The following SGCZ variants were observed in gnomAD, a reference collection of about 807,000 sequenced individuals.
SGCZ encodes the protein sarcoglycan zeta.
Under a neutral mutation model 41.3 loss-of-function variants are expected in SGCZ, and 40 were observed. The ratio of observed to expected loss-of-function variants is 0.97; its 90% CI spans 0.75 to 1.26. The LOEUF (loss-of-function observed/expected upper bound fraction) is 1.26. Ranked by LOEUF, SGCZ falls within the 50% of genes most tolerant of loss-of-function variation. The pLI is 0.00. For synonymous variants in SGCZ, 206 were observed against 137.5 expected (o/e 1.50, Z -3.49); for missense variants, 552 against 369.8 (o/e 1.49, Z -4.04).
chr8:14,831,896 G>A (rs1436323369), intron 1 of SGCZ, among the ~76,000 whole-genome samples: 1 of 146,084 alleles, frequency 6.8e-6, no homozygotes, highest in African/African-American at 2.5e-5. Flanking sequence ...GTATATATAT[G>A]TTTGTGTATA....
At position 14,140,128 on chromosome 8, in the gene SGCZ, A is replaced by G. The variant is rs1002342595; in HGVS notation, c.547+24452T>C. Among the ~76,000 whole-genome samples the G allele has an allele frequency of 2.0e-5, 3 of 152,212 alleles. No individual in the cohort carries two copies. In the East Asian group the frequency reaches 5.8e-4, roughly 29 times the overall value. On this transcript the variant is annotated intron_variant, in intron 5 of 7. Transcript: ENST00000382080. Reference sequence around the variant, plus strand: ...CCTTCGACAAAATTCAACAACCTTCATGCTAAAAACTGTCAATAAACTAGG... The same window carrying G: ...CCTTCGACAAAATTCAACAACCTTCGTGCTAAAAACTGTCAATAAACTAGG...
intron 1 of SGCZ, among the ~76,000 whole-genome samples, chr8:14,570,765 A>G (rs1585089407): frequency 6.6e-6 from 1 of 152,192 alleles, no homozygotes; most frequent in South Asian, 2.1e-4. Context: ...ACTATTTCAT[A>G]TAACTCACTT....
At chr8:15,122,852 C>G (rs1807538041) in intron 1 of SGCZ, among the ~76,000 whole-genome samples, 2 of 152,084 alleles carry the variant, frequency 1.3e-5, no homozygotes, top group East Asian at 3.8e-4. Flanking sequence ...AGCTTTCAGT[C>G]CACTGAAAAC....
intron 7 of SGCZ, among the ~76,000 whole-genome samples, chr8:14,098,985 C>CCATAAGTTTCTGAGAT (rs1413695553): frequency 6.6e-6 from 1 of 152,116 alleles, no homozygotes. Context: ...GCTTAAAATT[C>CCATAAGTTTCTGAGAT]CATAAGTTTC....
At chr8:14,772,024 G>T (rs1425489498) in intron 1 of SGCZ, among the ~76,000 whole-genome samples, 2 of 152,132 alleles carry the variant, frequency 1.3e-5, no homozygotes, top group Non-Finnish European at 2.9e-5. Flanking sequence ...GGGTGAAAGT[G>T]ATACGTGTTC....
chr8:14,243,227 G>C (rs1211201549), intron 3 of SGCZ, among the ~76,000 whole-genome samples: 4 of 152,154 alleles, frequency 2.6e-5, no homozygotes, highest in Admixed American at 1.3e-4. Context: ...TGTTACCGAA[G>C]TTTGTATAGT....
chr8:15,035,374 G>A (rs889410197), intron 1 of SGCZ, among the ~76,000 whole-genome samples: 1 of 151,928 alleles, frequency 6.6e-6, no homozygotes, highest in Non-Finnish European at 1.5e-5. Context: ...GTAAAGTATC[G>A]AACCATGTCA....
At chr8:14,664,350 T>C (rs1005668850) in intron 1 of SGCZ, among the ~76,000 whole-genome samples, 4 of 152,182 alleles carry the variant, frequency 2.6e-5, no homozygotes, top group African/African-American at 9.6e-5. Context: ...ACTAGAATTA[T>C]GTTAGATTAC....
At chr8:14,430,236 T>C (rs1019776844) in intron 2 of SGCZ, among the ~76,000 whole-genome samples, 2 of 151,910 alleles carry the variant, frequency 1.3e-5, no homozygotes, top group Admixed American at 1.3e-4. Context: ...GGAAAGGACA[T>C]AAACAAAAAA....
intron 1 of SGCZ, among the ~76,000 whole-genome samples, chr8:14,728,949 G>A (rs911487865): frequency 6.6e-6 from 1 of 152,150 alleles, no homozygotes; most frequent in Non-Finnish European, 1.5e-5. Flanking sequence ...ATCTGCCTAT[G>A]TTCCTTTCAT....
intron 2 of SGCZ, among the ~76,000 whole-genome samples, chr8:14,548,328 A>G (rs1019155640): frequency 2.6e-4 from 39 of 152,148 alleles, no homozygotes; most frequent in Admixed American, 1.5e-3. Context: ...CTTGCAATCA[A>G]CACCAATTTT....
intron 2 of SGCZ, among the ~76,000 whole-genome samples, chr8:14,458,767 A>G (rs1022968032): frequency 2.6e-5 from 4 of 152,176 alleles, no homozygotes; most frequent in Admixed American, 2.6e-4. Context: ...AGGGCCTAGT[A>G]GCAATGATAC....
At chr8:15,145,601 G>C (rs892185444) in intron 1 of SGCZ, among the ~76,000 whole-genome samples, 2 of 152,124 alleles carry the variant, frequency 1.3e-5, no homozygotes, top group Admixed American at 1.3e-4. Flanking sequence ...CAAGTAGCTT[G>C]GACTACAGGT....
In SGCZ at chr8:14,481,654, GT is replaced by G. The variant is rs532858269; in HGVS notation, c.234+73077del. 4.4e-4 allele frequency among the ~76,000 whole-genome samples: 67 copies of G among 152,090 alleles called. 2 individuals carry two copies. In the South Asian group the frequency reaches 0.011, roughly 25 times the overall value. On this transcript the variant is annotated intron_variant, in intron 2 of 7. Coordinates refer to ENST00000382080, the MANE Select transcript of SGCZ (RefSeq NM_139167.4). ...CCTCTGGTAGTTAAAGTGGAAGGGA[GT>G]TTTTTTATTAATATTTATTACCTAA...
intron 1 of SGCZ, among the ~76,000 whole-genome samples, chr8:15,026,914 C>A (rs535869556): frequency 3.3e-5 from 5 of 152,304 alleles, no homozygotes; most frequent in Admixed American, 3.3e-4. Context: ...TCTGTTTACT[C>A]AGCAATCACC....
In SGCZ at chr8:15,093,675, G is replaced by C. The variant is rs78781380; in HGVS notation, c.39+143910C>G. ...AGAACATCAACAGAACACGTTTATT[G>C]TACGTCAAAGTAAAAAAATTACACT... On this transcript the variant is annotated intron_variant, in intron 1 of 7. Coordinates refer to ENST00000382080, the MANE Select transcript of SGCZ (RefSeq NM_139167.4). Among the ~76,000 whole-genome samples the C allele has an allele frequency of 4.9e-3, 740 of 152,196 alleles. 8 individuals are homozygous for C. The highest frequency in any genetic ancestry group is 0.017 in the African/African-American group (705 of 41,524).
rs1406374434 is a variant in SGCZ at position 14,449,026 on chromosome 8, T to C, written c.234+105706A>G. Among the ~76,000 whole-genome samples the C allele has an allele frequency of 5.3e-5, 8 of 152,238 alleles. No individual in the cohort carries two copies. In the East Asian group the frequency reaches 1.4e-3, roughly 26 times the overall value. Reference sequence around the variant, plus strand: ...ACAAGTTACATTCCAGACAAACAGATAGAAGTGAAAGGACTTATGCTCTGA... The same window carrying C: ...ACAAGTTACATTCCAGACAAACAGACAGAAGTGAAAGGACTTATGCTCTGA... On this transcript the variant is annotated intron_variant, in intron 2 of 7. Coordinates refer to ENST00000382080, the MANE Select transcript of SGCZ (RefSeq NM_139167.4).
At chr8:14,834,648 C>A (rs773279829) in intron 1 of SGCZ, among the ~76,000 whole-genome samples, 2 of 152,094 alleles carry the variant, frequency 1.3e-5, no homozygotes, top group African/African-American at 2.4e-5. Context: ...CACTTTGGAG[C>A]GGAAGTGTAT....
At chr8:14,642,400 A>G (rs958647488) in intron 1 of SGCZ, among the ~76,000 whole-genome samples, 2 of 151,576 alleles carry the variant, frequency 1.3e-5, no homozygotes, top group Admixed American at 1.3e-4. Context: ...CTATAGACAA[A>G]TCTCTTTCCT....
Sources: allele counts gnomAD v4.1 joint callset (sites outside exome capture counted in the v4.1 genomes callset), GRCh38; gene constraint gnomAD v4.1.1; transcripts MANE v1.5; gene names NCBI Gene and HGNC (gene_info 2026-07-23, HGNC 2026-07-21).